IQCK: variants seen among roughly 807,000 people sequenced by gnomAD.
IQCK encodes the protein IQ motif containing K.
IQCK carries 29 observed loss-of-function variants against 28.1 expected under a neutral mutation model. The observed-to-expected ratio is 1.03, with a 90% CI of 0.77 to 1.41. The LOEUF (loss-of-function observed/expected upper bound fraction) is 1.41. Among genes scored for constraint, IQCK ranks in the 40% most tolerant of loss-of-function variants. IQCK has a pLI of 0.00. For synonymous variants in IQCK, 113 were observed against 115.1 expected (o/e 0.98, Z 0.12); for missense variants, 359 against 314.7 (o/e 1.14, Z -1.07).
At chr16:19,817,012 A>G (rs1490620567) in intron 7 of IQCK, among the ~76,000 whole-genome samples, 1 of 152,180 alleles carries the variant, frequency 6.6e-6, no homozygotes, top group East Asian at 1.9e-4. Flanking sequence ...GCCTCAGGCT[A>G]TCGGATCCAG....
At chr16:19,782,736 T>G (rs1370275625) in intron 6 of IQCK, among the ~76,000 whole-genome samples, 1 of 152,204 alleles carries the variant, frequency 6.6e-6, no homozygotes, top group Non-Finnish European at 1.5e-5. Flanking sequence ...ATTAAATGTG[T>G]TTTTTGATGA....
chr16:19,784,638 G>C (rs565617980), intron 6 of IQCK, among the ~76,000 whole-genome samples: 1 of 152,192 alleles, frequency 6.6e-6, no homozygotes, highest in Non-Finnish European at 1.5e-5. Flanking sequence ...GGAGCTTTCA[G>C]ACCAGTACAA....
intron 6 of IQCK, among the ~76,000 whole-genome samples, chr16:19,781,765 G>T (rs2055488262): frequency 6.6e-6 from 1 of 152,026 alleles, no homozygotes; most frequent in Non-Finnish European, 1.5e-5. Flanking sequence ...GAGGCAGGTG[G>T]ATCACTTGAG....
At chr16:19,762,878 T>C (rs527809116) in intron 4 of IQCK, among the ~76,000 whole-genome samples, 28 of 152,034 alleles carry the variant, frequency 1.8e-4, no homozygotes, top group African/African-American at 6.8e-4. Flanking sequence ...TAGCCAGGCG[T>C]GGTGGTGTGT....
At chr16:19,808,201 AG>A (rs2055857498) in intron 7 of IQCK, among the ~76,000 whole-genome samples, 1 of 152,086 alleles carries the variant, frequency 6.6e-6, no homozygotes, top group African/African-American at 2.4e-5. Flanking sequence ...CTGACTTCTC[AG>A]GTCAGGCCCT....
intron 6 of IQCK, among the ~76,000 whole-genome samples, chr16:19,783,761 TCTAG>T (rs2055525931): frequency 6.6e-6 from 1 of 152,222 alleles, no homozygotes; most frequent in South Asian, 2.1e-4. Context: ...CGCCCCATTA[TCTAG>T]CTATGAAAGC....
At chr16:19,765,719 A>G (rs2055224702) in intron 6 of IQCK, among the ~76,000 whole-genome samples, 1 of 152,174 alleles carries the variant, frequency 6.6e-6, no homozygotes, top group East Asian at 1.9e-4. Context: ...GGAGAGAAAC[A>G]TAGGAAAACC....
chr16:19,764,225 C>A, intron 6 of IQCK, 113 bp downstream of exon 6: 1 of 856,268 alleles, frequency 1.2e-6, no homozygotes, highest in Non-Finnish European at 1.8e-6. Context: ...GACTCTGGGC[C>A]AGTCATATTT....
chr16:19,817,574 C>A (rs2056005761), intron 7 of IQCK, among the ~76,000 whole-genome samples: 1 of 152,144 alleles, frequency 6.6e-6, no homozygotes, highest in Admixed American at 6.5e-5. Flanking sequence ...ACCCTATGAA[C>A]AACTGCAGGC....
chr16:19,784,015 T>A (rs1282932600), intron 6 of IQCK, among the ~76,000 whole-genome samples: 1 of 152,142 alleles, frequency 6.6e-6, no homozygotes, highest in Non-Finnish European at 1.5e-5. Flanking sequence ...AAAAACATAC[T>A]TAAAGCAGGA....
chr16:19,744,158 C>T (rs1354518317), intron 4 of IQCK, among the ~76,000 whole-genome samples: 1 of 152,080 alleles, frequency 6.6e-6, no homozygotes, highest in Non-Finnish European at 1.5e-5. Context: ...AGTCACTCAT[C>T]TTGTGATTCT....
At chr16:19,829,602 G>C (rs772257273), downstream of IQCK, among the ~76,000 whole-genome samples, 3 of 152,136 alleles carry the variant, frequency 2.0e-5, no homozygotes, top group Admixed American at 6.5e-5. Context: ...CTCCCAAAGT[G>C]CTGGGATTAC....
chr16:19,718,596 G>T, intron 1 of IQCK, 109 bp downstream of exon 1: 2 of 1,038,018 alleles, frequency 1.9e-6, no homozygotes, highest in Admixed American at 4.2e-5. Flanking sequence ...GGGCCGCCGG[G>T]CAGCGGCTCC....
At chr16:19,776,373 A>G (rs1320357661) in intron 6 of IQCK, among the ~76,000 whole-genome samples, 1 of 152,130 alleles carries the variant, frequency 6.6e-6, no homozygotes, top group Non-Finnish European at 1.5e-5. Context: ...AGTGATCAGT[A>G]CTGAGACTGG....
chr16:19,731,317 G>C (rs778278096), intron 2 of IQCK, among the ~76,000 whole-genome samples: 13 of 152,196 alleles, frequency 8.5e-5, no homozygotes, highest in Non-Finnish European at 1.3e-4. Flanking sequence ...AAAAAGCAAG[G>C]CTCTGAGAGA....
intron 4 of IQCK, 186 bp downstream of exon 4, chr16:19,735,636 C>T: frequency 1.7e-6 from 1 of 581,694 alleles, no homozygotes; most frequent in Non-Finnish European, 3.1e-6. Context: ...ACATGCGCTG[C>T]CATCTGTCTG....
intron 1 of IQCK, among the ~76,000 whole-genome samples, chr16:19,728,408 C>T (rs937641948): frequency 4.6e-5 from 7 of 152,098 alleles, no homozygotes; most frequent in African/African-American, 1.7e-4. Context: ...TGCCACCACG[C>T]CCAGCTAATT....
chr16:19,823,016 CT>C (rs1399691013), intron 7 of IQCK, among the ~76,000 whole-genome samples: 1 of 152,044 alleles, frequency 6.6e-6, no homozygotes, highest in Non-Finnish European at 1.5e-5. Context: ...AATGGTAGTT[CT>C]GGGGCTAGGT....
chr16:19,850,873 C>T (rs2056473168), intron 9 of IQCK, among the ~76,000 whole-genome samples: 1 of 151,940 alleles, frequency 6.6e-6, no homozygotes, highest in South Asian at 2.1e-4. Context: ...ATATATTAGC[C>T]AGGCATGGTG....
Sources: allele counts gnomAD v4.1 joint callset (sites outside exome capture counted in the v4.1 genomes callset), GRCh38; gene constraint gnomAD v4.1.1; transcripts MANE v1.5; gene names NCBI Gene and HGNC (gene_info 2026-07-23, HGNC 2026-07-21).